The following ILDR1 variants were observed in gnomAD, a reference collection of about 807,000 sequenced individuals.
The protein encoded by ILDR1 is immunoglobulin like domain containing receptor 1.
ILDR1 carries 56 observed loss-of-function variants against 62.4 expected under a neutral mutation model. That is an observed-to-expected ratio of 0.90 (90% CI 0.72 to 1.12). The LOEUF (loss-of-function observed/expected upper bound fraction) is 1.12, where lower values mean the gene tolerates loss of function less well. Ranked by LOEUF, ILDR1 falls within the 50% of genes most tolerant of loss-of-function variation. The pLI, the probability that ILDR1 is intolerant of heterozygous loss-of-function variation, is 0.00. For synonymous variants in ILDR1, 284 were observed against 277.8 expected (o/e 1.02, Z -0.22); for missense variants, 736 against 710.6 (o/e 1.04, Z -0.41).
At chr3:122,019,458 C>T (rs1283889873) in intron 1 of ILDR1, among the ~76,000 whole-genome samples, 1 of 152,078 alleles carries the variant, frequency 6.6e-6, no homozygotes, top group Non-Finnish European at 1.5e-5. Flanking sequence ...GAAACCACTG[C>T]TTTGATAGAT....
intron 1 of ILDR1, among the ~76,000 whole-genome samples, chr3:122,009,324 A>AACACACACACACACACACACACACAC (rs60284951): frequency 7.3e-6 from 1 of 137,812 alleles, no homozygotes; most frequent in South Asian, 2.5e-4. Flanking sequence ...CTCAATTTAA[A>AACACACACACACACACACACACACAC]ACACACACAC....
At position 121,993,838 on chromosome 3, in the gene ILDR1, G is replaced by T; in HGVS notation, c.911C>A (p.Pro304His). ...ATGGCCAAATCTGCCTTTGAGGTCA[G>T]GGGGCAGAGGCTGGGCCAGGTTGAG... ...RNLNLAQPLP[P>H]DLKGRFGHPC... The change falls in exon 7 of 8, where the codon CCT becomes CAT. Residue 304 changes from proline (P) to histidine (H), a missense_variant. By Grantham distance (77) the Pro-to-His change is moderately conservative (BLOSUM62 -2). Coordinates refer to ENST00000344209, the MANE Select transcript of ILDR1 (RefSeq NM_001199799.2). The T allele has an allele frequency of 6.2e-7, 1 of 1,614,154 alleles. No homozygotes were observed. The highest frequency in any genetic ancestry group is 1.1e-5 in the South Asian group (1 of 91,084).
the ILDR1 span, among the ~76,000 whole-genome samples, chr3:122,041,955 G>A: frequency 0.23 from 31,889 of 137,734 alleles, 3,809 homozygotes; most frequent in African/African-American, 0.32. Context: ...TAGGGTACAT[G>A]TGCACATTGT....
intron 1 of ILDR1, among the ~76,000 whole-genome samples, chr3:122,009,017 T>C (rs770054894): frequency 6.6e-6 from 1 of 151,894 alleles, no homozygotes; most frequent in Non-Finnish European, 1.5e-5. Context: ...CACTGCAACG[T>C]TGACCTCCTG....
At chr3:122,055,420 AG>A in the ILDR1 span, 1 of 1,491,698 alleles carries the variant, frequency 6.7e-7, no homozygotes, top group Non-Finnish European at 9.4e-7. Context: ...CTGCTGTAAC[AG>A]GGACTAGCAC....
intron 3 of ILDR1, 81 bp downstream of exon 3, chr3:122,005,163 C>T: frequency 9.9e-7 from 1 of 1,005,264 alleles, no homozygotes; most frequent in Non-Finnish European, 1.5e-6. Context: ...AATGGGAAAT[C>T]CCATGCTGAC....
At chr3:122,010,573 C>G (rs1468974988) in intron 1 of ILDR1, among the ~76,000 whole-genome samples, 1 of 152,110 alleles carries the variant, frequency 6.6e-6, no homozygotes, top group Non-Finnish European at 1.5e-5. Context: ...ATTTTTGGTT[C>G]TTGTTCTTTC....
the ILDR1 span, among the ~76,000 whole-genome samples, chr3:122,040,328 G>T: frequency 6.6e-6 from 1 of 151,922 alleles, no homozygotes; most frequent in Non-Finnish European, 1.5e-5. Context: ...TTTATTTCAA[G>T]TTGGGAAATG....
intron 7 of ILDR1, among the ~76,000 whole-genome samples, chr3:121,991,353 T>C (rs921399603): frequency 2.6e-5 from 4 of 152,216 alleles, no homozygotes; most frequent in Non-Finnish European, 5.9e-5. Context: ...TAGAAGAAGA[T>C]AGCATGTAGA....
chr3:122,005,970 G>C (rs1381113522), intron 2 of ILDR1, among the ~76,000 whole-genome samples: 1 of 152,048 alleles, frequency 6.6e-6, no homozygotes, highest in Non-Finnish European at 1.5e-5. Context: ...TATAGGGTCT[G>C]AGAGCTGTTA....
At chr3:122,033,562 AATGCTGT>A in the ILDR1 span, among the ~76,000 whole-genome samples, 1 of 152,052 alleles carries the variant, frequency 6.6e-6, no homozygotes, top group Non-Finnish European at 1.5e-5. Context: ...TTATATAAGG[AATGCTGT>A]ATTCCCCAGG....
chr3:122,019,390 T>A (rs2071825501), intron 1 of ILDR1, among the ~76,000 whole-genome samples: 1 of 152,194 alleles, frequency 6.6e-6, no homozygotes, highest in Non-Finnish European at 1.5e-5. Context: ...AAACTGTATA[T>A]GTGTGCATAC....
intron 5 of ILDR1, among the ~76,000 whole-genome samples, chr3:121,996,330 CCT>C (rs1170821631): frequency 1.3e-5 from 2 of 152,152 alleles, no homozygotes; most frequent in Admixed American, 6.5e-5. Flanking sequence ...CTGACATTTC[CCT>C]GAGTTTTTTT....
chr3:122,018,567 C>T (rs1273848136), intron 1 of ILDR1, among the ~76,000 whole-genome samples: 1 of 151,872 alleles, frequency 6.6e-6, no homozygotes, highest in Non-Finnish European at 1.5e-5. Context: ...AAAACCTGCT[C>T]CACAGTATGA....
At chr3:122,051,102 T>C in the ILDR1 span, among the ~76,000 whole-genome samples, 1 of 152,220 alleles carries the variant, frequency 6.6e-6, no homozygotes, top group Non-Finnish European at 1.5e-5. Context: ...ATAATGTGCT[T>C]CAGTGTCTAT....
rs1365231561 is a variant in ILDR1 at position 122,007,005 on chromosome 3, T to C, written c.215A>G (p.Asp72Gly). Residue 72 changes from aspartate (D) to glycine (G), a missense_variant, in exon 2 of 8, where the codon GAC (aspartate) becomes GGC (glycine). Physicochemically the swap from Asp to Gly is moderately conservative, Grantham distance 94. Transcript: ENST00000344209. ...FKSFCKDPIF[D>G]YYSASYQAAL... ...AGGATACTCACACGCTGAGTAGTAG[T>C]CAAAGATAGGGTCCTTGCAGAAGGA... 1 of 1,612,530 alleles carries C rather than the reference T, an allele frequency of 6.2e-7. No homozygotes were observed. The highest frequency in any genetic ancestry group is 8.5e-7 in the Non-Finnish European group (1 of 1,179,930).
chr3:122,007,212 G>A, intron 1 of ILDR1, 51 bp from the exon 2 acceptor site: 2 of 1,612,978 alleles, frequency 1.2e-6, no homozygotes, highest in Non-Finnish European at 1.7e-6. Flanking sequence ...TCTGCTCATG[G>A]GTAAGAAAAA....
In ILDR1 at chr3:122,006,973, G is replaced by A. The variant is rs1461220085; in HGVS notation, c.229+18C>T. 6.2e-7 allele frequency: 1 copy of A among 1,608,366 alleles called. No homozygotes were observed. The highest frequency in any genetic ancestry group is 2.2e-5 in the East Asian group (1 of 44,754). On this transcript the variant is annotated intron_variant, in intron 2 of 7. Transcript: ENST00000344209. ...GTGTCTGGGACCCACAGAGGGCCAAGGGGGTAAGGATACTCACACGCTGAG... is the reference window on the plus strand; with the variant it reads ...GTGTCTGGGACCCACAGAGGGCCAAAGGGGTAAGGATACTCACACGCTGAG...
chr3:122,044,836 C>G, the ILDR1 span, among the ~76,000 whole-genome samples: 1 of 152,054 alleles, frequency 6.6e-6, no homozygotes, highest in Non-Finnish European at 1.5e-5. Flanking sequence ...TGCTAGTGGT[C>G]TATCAATTTT....
Sources: allele counts gnomAD v4.1 joint callset (sites outside exome capture counted in the v4.1 genomes callset), GRCh38; gene constraint gnomAD v4.1.1; transcripts MANE v1.5; gene names NCBI Gene and HGNC (gene_info 2026-07-23, HGNC 2026-07-21).